The following SAMD3 variants were observed in gnomAD, a reference collection of about 807,000 sequenced individuals.
The protein encoded by SAMD3 is sterile alpha motif domain-containing protein 3.
SAMD3 carries 63 observed loss-of-function variants against 58.5 expected under a neutral mutation model. The ratio of observed to expected loss-of-function variants is 1.08; its 90% confidence interval spans 0.88 to 1.33. SAMD3 has a LOEUF of 1.33. Ranked by LOEUF, SAMD3 falls within the 40% of genes most tolerant of loss-of-function variation. The pLI is 0.00. For missense variants in SAMD3, 604 were observed against 608.4 expected (o/e 0.99, Z 0.08); for synonymous variants, 220 against 210.3 (o/e 1.05, Z -0.40).
rs150687926 is a variant in SAMD3, at chr6:130,195,834, C to A, written c.384-11211G>T. On this transcript the variant is annotated intron_variant, in intron 5 of 11. Transcript: ENST00000439090. ...ATCATGTCTGACTGATCTCTCAAAC[C>A]CCAACACCTTCTACATCCTAGGCAT... Among the ~76,000 whole-genome samples, 1,304 of 152,182 alleles carry A rather than the reference C, an allele frequency of 8.6e-3. 14 individuals are homozygous for A. Among genetic ancestry groups the A allele is most frequent in the African/African-American group, 0.03 (1,249 of 41,498 alleles).
chr6:130,226,915 A>C (rs1796395811), upstream of SAMD3, among the ~76,000 whole-genome samples: 1 of 152,264 alleles, frequency 6.6e-6, no homozygotes, highest in Non-Finnish European at 1.5e-5. Context: ...ATGTACAATA[A>C]ATACAGTAAT....
chr6:130,189,076 A>G (rs1259395799), intron 5 of SAMD3, among the ~76,000 whole-genome samples: 1 of 149,562 alleles, frequency 6.7e-6, no homozygotes, highest in African/African-American at 2.5e-5. Flanking sequence ...CAACAAATCC[A>G]AAATAATTCA....
chr6:130,235,070 G>A (rs1582987579), intron 2 of SAMD3, among the ~76,000 whole-genome samples: 1 of 152,122 alleles, frequency 6.6e-6, no homozygotes, highest in East Asian at 1.9e-4. Context: ...AGTGGTGATT[G>A]TGACACTGCA....
In SAMD3 at chr6:130,308,380, A is replaced by ATTCTATTCTATTCTATTCTATTCTATTCT. The variant is rs1562512931; in HGVS notation, c.-188+4569_-188+4597dup. Among the ~76,000 whole-genome samples, 192 of 135,112 alleles carry ATTCTATTCTATTCTATTCTATTCTATTCT rather than the reference A, an allele frequency of 1.4e-3. 6 individuals carry two copies. Among genetic ancestry groups the ATTCTATTCTATTCTATTCTATTCTATTCT allele is most frequent in the African/African-American group, 3.1e-3 (107 of 34,524 alleles). 88.6% of individuals were successfully genotyped at this position (135,112 alleles called of 152,430 possible). A position where few individuals can be genotyped will look rare whatever the true frequency, so the allele number is the denominator to read the frequency against. ...ATTCTATTCTATTCTATTCTATTCT[A>ATTCTATTCTATTCTATTCTATTCTATTCT]TTCTATTCTATTCTATTCTATTCTA... is the stretch of plus-strand genomic sequence containing the variant. On this transcript the variant is annotated intron_variant, in intron 2 of 13. Coordinates refer to the SAMD3 transcript ENST00000368134.
intron 1 of SAMD3, among the ~76,000 whole-genome samples, 191 bp downstream of exon 1, chr6:130,222,503 G>A (rs1796262202): frequency 6.6e-6 from 1 of 152,150 alleles, no homozygotes; most frequent in Non-Finnish European, 1.5e-5. Flanking sequence ...AATAAAAGTA[G>A]AATGAAATGC....
At chr6:130,200,161 T>G (rs1340003078) in intron 5 of SAMD3, among the ~76,000 whole-genome samples, 1 of 152,018 alleles carries the variant, frequency 6.6e-6, no homozygotes, top group African/African-American at 2.4e-5. Context: ...TTAACAGAAA[T>G]GCAAAGTTTC....
intron 2 of SAMD3, among the ~76,000 whole-genome samples, chr6:130,258,620 G>T (rs965107680): frequency 3.9e-5 from 6 of 152,120 alleles, no homozygotes; most frequent in Non-Finnish European, 5.9e-5. Flanking sequence ...ACACACAAAA[G>T]AGTCTTTATG....
intron 5 of SAMD3, among the ~76,000 whole-genome samples, chr6:130,191,187 A>G (rs555912668): frequency 2.0e-5 from 3 of 152,090 alleles, no homozygotes; most frequent in South Asian, 4.2e-4. Flanking sequence ...TTCTACCCCC[A>G]ACAATTAGAC....
intron 1 of SAMD3, among the ~76,000 whole-genome samples, chr6:130,352,515 A>C (rs1037440371): frequency 6.6e-6 from 1 of 150,888 alleles, no homozygotes; most frequent in Admixed American, 6.6e-5. Context: ...AATCAAAGGG[A>C]CCCCAAATAC....
Position 130,244,744 on chromosome 6 carries a change from AAAAT to A in SAMD3, c.-187-21935_-187-21932del, listed in dbSNP as rs1247305877. Reference sequence around the variant, plus strand: ...GACAGGACGAGCCTGTCTCAAAAAAAAAATAAAAATAAAAATAAAAATAAAAATA... The same window carrying A: ...GACAGGACGAGCCTGTCTCAAAAAAAAAAAATAAAAATAAAAATAAAAATA... On this transcript the variant is annotated intron_variant, in intron 2 of 13. Coordinates refer to the SAMD3 transcript ENST00000368134. Among the ~76,000 whole-genome samples, 13 of 46,524 alleles carry A rather than the reference AAAAT, an allele frequency of 2.8e-4. No individual in the cohort carries two copies. In the African/African-American group the frequency reaches 5.6e-3, roughly 20 times the overall value. 30.5% of individuals were successfully genotyped at this position (46,524 alleles called of 152,430 possible).
At chr6:130,362,090 C>T (rs1778004829) in intron 1 of SAMD3, among the ~76,000 whole-genome samples, 1 of 152,174 alleles carries the variant, frequency 6.6e-6, no homozygotes, top group South Asian at 2.1e-4. Context: ...GCTAAAAAGG[C>T]AGCATTTGGG....
At chr6:130,219,006 A>T (rs143708806) in intron 1 of SAMD3, among the ~76,000 whole-genome samples, 73 of 152,312 alleles carry the variant, frequency 4.8e-4, no homozygotes, top group African/African-American at 1.4e-3. Flanking sequence ...TGGAAAGATT[A>T]TTTAGGCAGC....
intron 2 of SAMD3, among the ~76,000 whole-genome samples, chr6:130,305,614 G>T (rs1775888721): frequency 6.6e-6 from 1 of 152,082 alleles, no homozygotes; most frequent in Non-Finnish European, 1.5e-5. Flanking sequence ...GTCATGAATG[G>T]ATATTAAATT....
chr6:130,175,005 C>G (rs13192121), intron 8 of SAMD3, among the ~76,000 whole-genome samples: 12,836 of 152,152 alleles, frequency 0.084, 806 homozygotes, highest in African/African-American at 0.17. Context: ...AATAAATATA[C>G]CAGATGAAAA....
intron 5 of SAMD3, among the ~76,000 whole-genome samples, chr6:130,192,379 C>T (rs531889448): frequency 2.6e-5 from 4 of 152,206 alleles, no homozygotes; most frequent in East Asian, 1.9e-4. Flanking sequence ...TCCAGATGGC[C>T]GGTTTCTGCC....
chr6:130,299,855 C>T (rs558752421), intron 2 of SAMD3, among the ~76,000 whole-genome samples: 1 of 152,194 alleles, frequency 6.6e-6, no homozygotes, highest in South Asian at 2.1e-4. Context: ...ACTAGAATAT[C>T]TATAGAAAAC....
At chr6:130,327,152 G>A (rs1171746170) in intron 1 of SAMD3, among the ~76,000 whole-genome samples, 10 of 152,010 alleles carry the variant, frequency 6.6e-5, no homozygotes, top group East Asian at 5.8e-4. Flanking sequence ...TTGAAACCCC[G>A]GGACATGAAG....
At chr6:130,201,172 T>A (rs1794623356) in intron 5 of SAMD3, among the ~76,000 whole-genome samples, 1 of 152,198 alleles carries the variant, frequency 6.6e-6, no homozygotes, top group Non-Finnish European at 1.5e-5. Context: ...TGGGTCTTCC[T>A]CCTTTCATTT....
At chr6:130,197,011 G>A (rs1794189651) in intron 5 of SAMD3, among the ~76,000 whole-genome samples, 1 of 152,056 alleles carries the variant, frequency 6.6e-6, no homozygotes, top group African/African-American at 2.4e-5. Flanking sequence ...ATCCCTTACG[G>A]TCCTCCATCT....
Sources: gnomAD v4.1 joint callset for allele counts (sites outside exome capture counted in the v4.1 genomes callset) on GRCh38, gnomAD v4.1.1 for gene constraint, MANE v1.5 for transcripts, NCBI Gene and HGNC (gene_info 2026-07-23, HGNC 2026-07-21) for gene names.